The following NRXN3 variants were observed in gnomAD, a reference collection of about 807,000 sequenced individuals.
NRXN3 encodes neurexin III.
Under a neutral mutation model 137.6 loss-of-function variants are expected in NRXN3, and 32 were observed. The observed-to-expected ratio is 0.23, with a 90% CI of 0.18 to 0.31. The LOEUF (loss-of-function observed/expected upper bound fraction) is 0.31. Ranked by LOEUF, NRXN3 falls within the 10% of genes least tolerant of loss-of-function variation. The pLI is 1.00. For missense variants in NRXN3, 1,574 were observed against 2,062.5 expected, an observed-to-expected ratio of 0.76 and a Z score of 4.59; for synonymous variants, 798 against 784.5, an observed-to-expected ratio of 1.02 and a Z score of -0.29.
At position 79,565,262 on chromosome 14, in the gene NRXN3, C is replaced by CATAT. The variant is rs2097536890; in HGVS notation, c.3444+97861_3444+97862insTATA. On this transcript the variant is annotated intron_variant, in intron 16 of 20. Transcript: ENST00000335750. ...ATATGTGTGTGTATATATACATATA[C>CATAT]ACATGTGTGTGTGTATACATATACG... is the stretch of plus-strand genomic sequence containing the variant. Among the ~76,000 whole-genome samples, 5 of 2,776 alleles carry CATAT rather than the reference C, an allele frequency of 1.8e-3. No individual in the cohort carries two copies. In the South Asian group the frequency reaches 0.047, roughly 26 times the overall value. 1.8% of individuals were successfully genotyped at this position (2,776 alleles called of 152,430 possible).
intron 15 of NRXN3, among the ~76,000 whole-genome samples, chr14:79,349,500 G>A (rs2093083482): frequency 6.7e-6 from 1 of 149,204 alleles, no homozygotes; most frequent in Admixed American, 6.7e-5. Flanking sequence ...CCATGTTATG[G>A]GTTGAATTGT....
At chr14:79,790,036 G>A (rs1272713234) in intron 19 of NRXN3, among the ~76,000 whole-genome samples, 2 of 152,170 alleles carry the variant, frequency 1.3e-5, no homozygotes, top group South Asian at 2.1e-4. Flanking sequence ...TTCAGTCTGG[G>A]ATATGCTGAC....
chr14:78,481,444 G>C (rs1178194450), intron 4 of NRXN3, among the ~76,000 whole-genome samples: 2 of 152,160 alleles, frequency 1.3e-5, no homozygotes, highest in Non-Finnish European at 2.9e-5. Flanking sequence ...AAGAAGGAAA[G>C]AAAGTCTTGC....
chr14:79,070,414 T>A (rs2099686156), intron 15 of NRXN3, among the ~76,000 whole-genome samples: 1 of 152,176 alleles, frequency 6.6e-6, no homozygotes, highest in African/African-American at 2.4e-5. Context: ...CTTTGTCAGC[T>A]GTGTGTGTGA....
At chr14:79,839,324 T>C (rs900430068) in intron 20 of NRXN3, among the ~76,000 whole-genome samples, 5 of 152,030 alleles carry the variant, frequency 3.3e-5, no homozygotes, top group Non-Finnish European at 7.4e-5. Context: ...GGTTACATTG[T>C]AGAATAACAT....
intron 10 of NRXN3, among the ~76,000 whole-genome samples, chr14:78,880,525 A>G (rs2099126155): frequency 6.6e-6 from 1 of 152,228 alleles, no homozygotes; most frequent in South Asian, 2.1e-4. Flanking sequence ...CTGATATCCC[A>G]ATCTCACTTT....
At chr14:79,606,798 A>C (rs2153837885) in intron 16 of NRXN3, among the ~76,000 whole-genome samples, 1 of 152,378 alleles carries the variant, frequency 6.6e-6, no homozygotes, top group Non-Finnish European at 1.5e-5. Context: ...ACAAGCTAAT[A>C]CATGGGTACC....
chr14:79,600,681 T>C (rs1305779724), intron 16 of NRXN3, among the ~76,000 whole-genome samples: 1 of 151,344 alleles, frequency 6.6e-6, no homozygotes, highest in Non-Finnish European at 1.5e-5. Flanking sequence ...GGGGAGAGAG[T>C]GAGCTAGAGA....
At chr14:78,542,642 C>T (rs1428518109) in intron 4 of NRXN3, among the ~76,000 whole-genome samples, 2 of 152,192 alleles carry the variant, frequency 1.3e-5, no homozygotes, top group Non-Finnish European at 2.9e-5. Flanking sequence ...CCTTGCACTT[C>T]CTGGGTGAGG....
chr14:78,895,103 C>A (rs148223374), intron 10 of NRXN3, among the ~76,000 whole-genome samples: 1 of 151,650 alleles, frequency 6.6e-6, no homozygotes, highest in Admixed American at 6.6e-5. Context: ...GCTGCCTTAG[C>A]CCCCAACAAT....
At chr14:78,905,836 G>T (rs1171915979) in intron 10 of NRXN3, among the ~76,000 whole-genome samples, 2 of 151,960 alleles carry the variant, frequency 1.3e-5, no homozygotes, top group African/African-American at 2.4e-5. Context: ...AACTAAAGTG[G>T]ATAGAGTTTA....
intron 15 of NRXN3, among the ~76,000 whole-genome samples, chr14:79,217,466 A>G (rs1394387121): frequency 6.6e-6 from 1 of 152,194 alleles, no homozygotes; most frequent in African/African-American, 2.4e-5. Context: ...CTCCAACATA[A>G]TGGATTACAT....
intron 16 of NRXN3, among the ~76,000 whole-genome samples, chr14:79,611,160 G>T (rs2098093862): frequency 1.3e-5 from 2 of 152,190 alleles, no homozygotes; most frequent in African/African-American, 2.4e-5. Context: ...CAACAGACCA[G>T]TCTAGACACA....
intron 16 of NRXN3, among the ~76,000 whole-genome samples, chr14:79,642,305 C>T (rs2098436993): frequency 7.4e-6 from 1 of 135,444 alleles, no homozygotes; most frequent in Non-Finnish European, 1.7e-5. Context: ...GTGGTATCCC[C>T]ACAGCTCTTC....
chr14:79,411,230 A>G (rs1245692566), intron 15 of NRXN3, among the ~76,000 whole-genome samples: 1 of 152,108 alleles, frequency 6.6e-6, no homozygotes, highest in Non-Finnish European at 1.5e-5. Context: ...ATGGAGGGGT[A>G]TTACCAAGAT....
At chr14:79,227,788 TCC>T (rs1597505507) in intron 15 of NRXN3, among the ~76,000 whole-genome samples, 1,809 of 23,510 alleles carry the variant, frequency 0.077, 47 homozygotes, top group Admixed American at 0.16. Context: ...CTTCCTTCCC[TCC>T]TCCCTTCCTC....
At chr14:78,831,294 C>A (rs2098981000) in intron 10 of NRXN3, among the ~76,000 whole-genome samples, 1 of 151,906 alleles carries the variant, frequency 6.6e-6, no homozygotes, top group Non-Finnish European at 1.5e-5. Flanking sequence ...ACACCTGTAA[C>A]CCCAGCACTT....
chr14:79,122,385 G>A (rs2055602620), intron 15 of NRXN3, among the ~76,000 whole-genome samples: 1 of 152,178 alleles, frequency 6.6e-6, no homozygotes, highest in Non-Finnish European at 1.5e-5. Flanking sequence ...AAGAATGGCA[G>A]TGCTATTAAC....
chr14:78,949,892 C>A lies in NRXN3; in HGVS notation c.2276-7350C>A, dbSNP rs1030844051. On this transcript the variant is annotated intron_variant, in intron 10 of 20. Transcript: ENST00000335750. ...ATGCTAGGGCAAAAAGGTCAATTCACAAGAATACAGACTTAAATTAGAAAT... is the reference window on the plus strand; with the variant it reads ...ATGCTAGGGCAAAAAGGTCAATTCAAAAGAATACAGACTTAAATTAGAAAT... Among the ~76,000 whole-genome samples the A allele has an allele frequency of 4.6e-5, 7 of 152,134 alleles. No homozygotes were observed. In the East Asian group the frequency reaches 7.7e-4, roughly 17 times the overall value.
Sources: gnomAD v4.1 joint callset for allele counts (sites outside exome capture counted in the v4.1 genomes callset) on GRCh38, gnomAD v4.1.1 for gene constraint, MANE v1.5 for transcripts, NCBI Gene and HGNC (gene_info 2026-07-23, HGNC 2026-07-21) for gene names.